Variants in ACSS3 observed in about 807,000 individuals in gnomAD.
ACSS3 encodes acyl-CoA synthetase short chain family member 3.
Under a neutral mutation model 84.2 loss-of-function variants are expected in ACSS3, and 64 were observed. The observed-to-expected ratio is 0.76, with a 90% CI of 0.62 to 0.94. The LOEUF (loss-of-function observed/expected upper bound fraction) is 0.94. ACSS3 is among the 40% of genes least tolerant of loss of function. The probability of loss-of-function intolerance (pLI) is 0.00; values close to 1 mark genes in which losing one functional copy is unlikely to be tolerated. For synonymous variants in ACSS3, 317 were observed against 310.1 expected, an observed-to-expected ratio of 1.02 and a Z score of -0.23; for missense variants, 815 against 867.6, an observed-to-expected ratio of 0.94 and a Z score of 0.76.
intron 9 of ACSS3, among the ~76,000 whole-genome samples, chr12:81,213,306 G>T (rs995232621): frequency 6.6e-6 from 1 of 152,122 alleles, no homozygotes; most frequent in Non-Finnish European, 1.5e-5. Context: ...TTGAGAGCAA[G>T]AGTGTTTATC....
intron 9 of ACSS3, 45 bp downstream of exon 9, chr12:81,199,489 C>A: frequency 6.4e-7 from 1 of 1,565,106 alleles, no homozygotes; most frequent in East Asian, 2.3e-5. Flanking sequence ...AGAAATGTTC[C>A]AAAAAGCTGC....
intron 9 of ACSS3, among the ~76,000 whole-genome samples, chr12:81,207,454 G>C (rs569617010): frequency 6.6e-6 from 1 of 152,262 alleles, no homozygotes; most frequent in African/African-American, 2.4e-5. Flanking sequence ...CTATAGCCAA[G>C]GGCAAATCCT....
At chr12:81,108,764 A>G (rs1268563463) in intron 1 of ACSS3, among the ~76,000 whole-genome samples, 1 of 152,156 alleles carries the variant, frequency 6.6e-6, no homozygotes, top group Non-Finnish European at 1.5e-5. Flanking sequence ...GTAGTCTGAC[A>G]TTGGAAGAAA....
intron 9 of ACSS3, among the ~76,000 whole-genome samples, chr12:81,209,302 CT>C (rs916304393): frequency 1.7e-4 from 25 of 149,490 alleles, no homozygotes; most frequent in East Asian, 3.9e-4. Flanking sequence ...ACTACATGCA[CT>C]TTTTTTTTGA....
At chr12:81,194,664 A>C (rs930247324) in intron 8 of ACSS3, among the ~76,000 whole-genome samples, 11 of 152,046 alleles carry the variant, frequency 7.2e-5, no homozygotes, top group Non-Finnish European at 1.6e-4. Context: ...TAATGATATT[A>C]AAAAGAACAG....
chr12:81,207,212 T>C (rs2135917010), intron 9 of ACSS3, among the ~76,000 whole-genome samples: 1 of 152,300 alleles, frequency 6.6e-6, no homozygotes, highest in South Asian at 2.1e-4. Context: ...AAGAGTTATC[T>C]ATACCTTCCC....
intron 1 of ACSS3, among the ~76,000 whole-genome samples, chr12:81,079,024 G>A (rs1381581527): frequency 6.6e-6 from 1 of 152,118 alleles, no homozygotes; most frequent in East Asian, 1.9e-4. Context: ...TGAGTCAGGG[G>A]CTGGGTCCGG....
intron 7 of ACSS3, among the ~76,000 whole-genome samples, chr12:81,171,698 T>C (rs936967801): frequency 2.0e-5 from 3 of 152,172 alleles, no homozygotes; most frequent in African/African-American, 7.2e-5. Flanking sequence ...AATCCTATAT[T>C]ATAAAAAGTA....
intron 7 of ACSS3, among the ~76,000 whole-genome samples, chr12:81,156,101 A>G (rs1043325191): frequency 6.6e-6 from 1 of 152,102 alleles, no homozygotes; most frequent in East Asian, 1.9e-4. Context: ...AAAAGAGTTA[A>G]CAGGAAAATC....
At chr12:81,206,817 C>T (rs528716606) in intron 9 of ACSS3, among the ~76,000 whole-genome samples, 12 of 152,236 alleles carry the variant, frequency 7.9e-5, no homozygotes, top group Middle Eastern at 3.4e-3. Context: ...CTTAATAAGG[C>T]TTTCTCTTTC....
rs1593083144 is a variant in ACSS3, at chr12:81,121,035, CTT to C, written c.456+11333_456+11334del. On this transcript the variant is annotated intron_variant, in intron 2 of 15. Coordinates refer to ENST00000548058, the MANE Select transcript of ACSS3 (RefSeq NM_024560.4). ...TCTTCTCTTTAAATGTGTACAGCTC[CTT>C]TGGTTGAGCGATGTAGATGTTGTTA... Among the ~76,000 whole-genome samples, 14 of 152,228 alleles carry C rather than the reference CTT, an allele frequency of 9.2e-5. No homozygotes were observed. In the East Asian group the frequency reaches 2.5e-3, roughly 27 times the overall value.
chr12:81,127,972 G>A (rs1263164993), intron 2 of ACSS3, among the ~76,000 whole-genome samples: 1 of 152,020 alleles, frequency 6.6e-6, no homozygotes, highest in Admixed American at 6.6e-5. Flanking sequence ...TTTCCAGAAT[G>A]ATAACATAAA....
chr12:81,139,048 A>C, intron 3 of ACSS3, 83 bp from the exon 4 acceptor site: 2 of 1,403,272 alleles, frequency 1.4e-6, no homozygotes, highest in South Asian at 2.5e-5. Context: ...CAAATGTTGA[A>C]TTGCCAGTCT....
intron 8 of ACSS3, among the ~76,000 whole-genome samples, chr12:81,192,351 G>A (rs2031616124): frequency 6.6e-6 from 1 of 152,166 alleles, no homozygotes; most frequent in South Asian, 2.1e-4. Flanking sequence ...TTGCACTGCA[G>A]CCCGGGCGAC....
intron 3 of ACSS3, among the ~76,000 whole-genome samples, chr12:81,137,450 A>G (rs1885869440): frequency 6.6e-6 from 1 of 152,088 alleles, no homozygotes; most frequent in African/African-American, 2.4e-5. Context: ...AGGAGAGAAG[A>G]TGGAGATATA....
At chr12:81,146,617 G>C (rs1332288144) in intron 5 of ACSS3, among the ~76,000 whole-genome samples, 1 of 152,188 alleles carries the variant, frequency 6.6e-6, no homozygotes, top group African/African-American at 2.4e-5. Flanking sequence ...TCAAGTTGCT[G>C]TATGACAGGT....
At chr12:81,180,392 G>T (rs925425841) in intron 8 of ACSS3, among the ~76,000 whole-genome samples, 3 of 152,134 alleles carry the variant, frequency 2.0e-5, no homozygotes. Flanking sequence ...ACAAAGTGAA[G>T]AAAAATATTT....
chr12:81,079,181 A>G (rs964049050), intron 1 of ACSS3, among the ~76,000 whole-genome samples: 2 of 152,240 alleles, frequency 1.3e-5, no homozygotes, highest in African/African-American at 4.8e-5. Context: ...AAAGTCTTCC[A>G]CCTGGAGTTG....
intron 2 of ACSS3, among the ~76,000 whole-genome samples, chr12:81,120,984 G>T (rs904678558): frequency 1.3e-5 from 2 of 152,148 alleles, no homozygotes; most frequent in Non-Finnish European, 2.9e-5. Context: ...TTAGTTACTA[G>T]TGTATGCACT....
Sources: gnomAD v4.1 joint callset for allele counts (sites outside exome capture counted in the v4.1 genomes callset) on GRCh38, gnomAD v4.1.1 for gene constraint, MANE v1.5 for transcripts, NCBI Gene and HGNC (gene_info 2026-07-23, HGNC 2026-07-21) for gene names.